VGLL3: variants seen among roughly 807,000 people sequenced by gnomAD.
VGLL3 encodes vestigial like family member 3.
Under a neutral mutation model 29.2 loss-of-function variants are expected in VGLL3, and 18 were observed. The observed-to-expected ratio is 0.62, with a 90% CI of 0.43 to 0.91. The LOEUF (loss-of-function observed/expected upper bound fraction) is 0.91. Among genes scored for constraint, VGLL3 ranks in the 40% least tolerant of loss-of-function variants. The pLI, the probability that VGLL3 is intolerant of heterozygous loss-of-function variation, is 0.00. For synonymous variants in VGLL3, 180 were observed against 151.8 expected (o/e 1.19, Z -1.36); for missense variants, 440 against 413.2 (o/e 1.06, Z -0.56).
intron 1 of VGLL3, among the ~76,000 whole-genome samples, chr3:86,983,317 G>A (rs955771551): frequency 1.3e-5 from 2 of 152,088 alleles, no homozygotes; most frequent in African/African-American, 4.8e-5. Flanking sequence ...CTATCCCAGG[G>A]TAAATATTTC....
intron 1 of VGLL3, chr3:86,990,320 C>G: frequency 1.0e-6 from 1 of 985,334 alleles, no homozygotes; most frequent in Non-Finnish European, 1.2e-6. Flanking sequence ...GATAGATGCC[C>G]TTGGTGAGCT....
chr3:86,980,924 T>G (rs1450373792), intron 1 of VGLL3, among the ~76,000 whole-genome samples: 1 of 152,126 alleles, frequency 6.6e-6, no homozygotes, highest in Non-Finnish European at 1.5e-5. Context: ...GAAACTAATT[T>G]CTTTTTTCTG....
rs962129357 is a variant in VGLL3 at position 86,969,038 on chromosome 3, C to T, written c.489G>A (p.Leu163=). ...SSYQPPPAPC[L]GGVHPDFQVT... ...CCTGGAAGTCAGGATGAACTCCCCCCAAACAAGGTGCAGGTGGGGGCTGGT... is the reference window on the plus strand; with the variant it reads ...CCTGGAAGTCAGGATGAACTCCCCCTAAACAAGGTGCAGGTGGGGGCTGGT... Residue 163 remains leucine, a synonymous_variant, in exon 3 of 4, where the codon TTG becomes TTA. Transcript: ENST00000398399. 4 of 1,613,904 alleles carry T rather than the reference C, an allele frequency of 2.5e-6. No homozygotes were observed. The highest frequency in any genetic ancestry group is 1.7e-5 in the Admixed American group (1 of 59,998).
chr3:86,978,697 G>C lies in VGLL3; in HGVS notation c.232C>G (p.Pro78Ala). 1 of 1,613,982 alleles carries C rather than the reference G, an allele frequency of 6.2e-7. No homozygotes were observed. Among genetic ancestry groups the C allele is most frequent in the African/African-American group, 1.3e-5 (1 of 74,978 alleles). Reference protein sequence around the residue: ...EEEEEEEKDQPAEMEYLNSRC... With the variant: ...EEEEEEEKDQAAEMEYLNSRC... Reference sequence around the variant, plus strand: ...GAGTTAAGGTACTCCATCTCGGCAGGCTGGTCTTTCTCCTCCTCCTCCTCC... The same window carrying C: ...GAGTTAAGGTACTCCATCTCGGCAGCCTGGTCTTTCTCCTCCTCCTCCTCC... The change falls in exon 2 of 4, where the codon CCT (proline) becomes GCT (alanine). Residue 78 changes from proline to alanine, a missense_variant. Pro to Ala is a conservative substitution (Grantham distance 27). Transcript: ENST00000398399.
In VGLL3 at chr3:86,964,137, G is replaced by A. The variant is rs562675876; in HGVS notation, c.937+4453C>T. Among the ~76,000 whole-genome samples the A allele has an allele frequency of 5.3e-5, 8 of 152,244 alleles. No individual in the cohort carries two copies. In the East Asian group the frequency reaches 5.8e-4, roughly 11 times the overall value. On this transcript the variant is annotated intron_variant, in intron 3 of 3. Coordinates refer to ENST00000398399, the MANE Select transcript of VGLL3 (RefSeq NM_016206.4). Reference sequence around the variant, plus strand: ...AAAGCAGAGTAGCATTTGATGACACGTGAGAAATATATAAAACTCAAATTT... The same window carrying A: ...AAAGCAGAGTAGCATTTGATGACACATGAGAAATATATAAAACTCAAATTT...
rs1354626371 is a variant in VGLL3 at position 86,940,572 on chromosome 3, A to G, written c.*6452T>C. 6.6e-6 allele frequency: 1 copy of G among 152,584 alleles called. No homozygotes were observed. Among genetic ancestry groups the G allele is most frequent in the Non-Finnish European group, 1.5e-5 (1 of 67,994 alleles). The allele number at this position is 152,584 out of a possible 1,614,324, so 9.5% of individuals were successfully genotyped here. On this transcript the variant is annotated 3_prime_UTR_variant, in exon 4 of 4. Coordinates refer to ENST00000398399, the MANE Select transcript of VGLL3 (RefSeq NM_016206.4). Reference sequence around the variant, plus strand: ...TTAATTGAATAAGGAGGAAACAAAAAGAGCTTTAAATTCTCAAGAAATGCA... The same window carrying G: ...TTAATTGAATAAGGAGGAAACAAAAGGAGCTTTAAATTCTCAAGAAATGCA...
At chr3:86,953,212 C>T (rs1030558149) in intron 3 of VGLL3, among the ~76,000 whole-genome samples, 4 of 152,126 alleles carry the variant, frequency 2.6e-5, no homozygotes, top group Non-Finnish European at 5.9e-5. Context: ...ATAATATCAC[C>T]TATCATCAGA....
At chr3:86,973,963 G>T (rs1386640200) in intron 2 of VGLL3, among the ~76,000 whole-genome samples, 5 of 152,150 alleles carry the variant, frequency 3.3e-5, no homozygotes, top group Non-Finnish European at 7.4e-5. Context: ...TTTCTGTAAA[G>T]ATCAGTGCAT....
intron 3 of VGLL3, chr3:86,962,185 C>A (rs1255173946): frequency 2.0e-6 from 2 of 985,188 alleles, no homozygotes; most frequent in African/African-American, 3.5e-5. Context: ...ACGTGGAGGG[C>A]AAATACAAAT....
Position 86,990,753 on chromosome 3 carries a change from G to A in VGLL3, c.-10C>T, listed in dbSNP as rs949288356. 1.5e-6 allele frequency: 2 copies of A among 1,331,476 alleles called. No individual in the cohort carries two copies. The highest frequency in any genetic ancestry group is 3.0e-5 in the African/African-American group (2 of 65,712). The allele number at this position is 1,331,476 out of a possible 1,614,324, so 82.5% of individuals were successfully genotyped here. A position where few individuals can be genotyped will look rare whatever the true frequency, so the allele number is the denominator to read the frequency against. On this transcript the variant is annotated 5_prime_UTR_variant, in exon 1 of 4. Coordinates refer to ENST00000398399, the MANE Select transcript of VGLL3 (RefSeq NM_016206.4). Reference sequence around the variant, plus strand: ...CCTCCGCACAACTCATGGCAGCCGGGGCAGTGGCGGCCCCCGAGCTGCCGC... The same window carrying A: ...CCTCCGCACAACTCATGGCAGCCGGAGCAGTGGCGGCCCCCGAGCTGCCGC...
At chr3:86,984,483 G>A (rs189951415) in intron 1 of VGLL3, among the ~76,000 whole-genome samples, 268 of 152,230 alleles carry the variant, frequency 1.8e-3, no homozygotes, top group Non-Finnish European at 3.2e-3. Flanking sequence ...TGTGCCACAG[G>A]CTTAGAGGCG....
At chr3:86,965,276 C>G (rs931764788) in intron 3 of VGLL3, among the ~76,000 whole-genome samples, 5 of 152,018 alleles carry the variant, frequency 3.3e-5, no homozygotes, top group Non-Finnish European at 5.9e-5. Context: ...TTTTAATGGT[C>G]CCGGTCACCT....
rs938342695 is a variant in VGLL3, at chr3:86,990,845, T to G, written c.-102A>C. The G allele has an allele frequency of 8.5e-7, 1 of 1,171,730 alleles. No individual in the cohort carries two copies. Among genetic ancestry groups the G allele is most frequent in the African/African-American group, 1.6e-5 (1 of 61,710 alleles). The allele number at this position is 1,171,730 out of a possible 1,614,324, so 72.6% of individuals were successfully genotyped here. On this transcript the variant is annotated 5_prime_UTR_variant, in exon 1 of 4. Transcript: ENST00000398399. Reference sequence around the variant, plus strand: ...CCGCCGCAGCTGCCGCCTCTGTCGCTGCTCCAGCTGCTACTGCGGCGAAGG... The same window carrying G: ...CCGCCGCAGCTGCCGCCTCTGTCGCGGCTCCAGCTGCTACTGCGGCGAAGG...
rs1287123337 is a variant in VGLL3 at position 86,943,201 on chromosome 3, C to T, written c.*3823G>A. 1 of 152,166 alleles carries T rather than the reference C, an allele frequency of 6.6e-6. No homozygotes were observed. The highest frequency in any genetic ancestry group is 2.4e-5 in the African/African-American group (1 of 41,430). The allele number at this position is 152,166 out of a possible 1,614,324, so 9.4% of individuals were successfully genotyped here. On this transcript the variant is annotated 3_prime_UTR_variant, in exon 4 of 4. Coordinates refer to ENST00000398399, the MANE Select transcript of VGLL3 (RefSeq NM_016206.4). Reference sequence around the variant, plus strand: ...AATTCATTCTGCTTTCTATTTATCCCTCATTCAAAACTCTAACATATATAC... The same window carrying T: ...AATTCATTCTGCTTTCTATTTATCCTTCATTCAAAACTCTAACATATATAC...
chr3:86,974,273 T>G (rs1365682125), intron 2 of VGLL3, among the ~76,000 whole-genome samples: 1 of 151,960 alleles, frequency 6.6e-6, no homozygotes, highest in Non-Finnish European at 1.5e-5. Context: ...GGCTGTCACC[T>G]TGCCTGGCTA....
chr3:86,962,362 T>G, intron 3 of VGLL3: 10 of 985,358 alleles, frequency 1.0e-5, no homozygotes, highest in Non-Finnish European at 1.2e-5. Flanking sequence ...GGCATACACT[T>G]GCACAGCCCT....
intron 3 of VGLL3, among the ~76,000 whole-genome samples, chr3:86,959,108 A>T (rs1575864375): frequency 6.6e-6 from 1 of 152,164 alleles, no homozygotes; most frequent in South Asian, 2.1e-4. Flanking sequence ...TGATGTTCTA[A>T]CTATCCTAGC....
rs536856548 is a variant in VGLL3 at position 86,968,482 on chromosome 3, G to A, written c.937+108C>T. The A allele has an allele frequency of 1.7e-5, 22 of 1,258,732 alleles. No individual in the cohort carries two copies. In the Admixed American group the frequency reaches 4.3e-4, roughly 25 times the overall value. The allele number at this position is 1,258,732 out of a possible 1,614,324, so 78.0% of individuals were successfully genotyped here. On this transcript the variant is annotated intron_variant, in intron 3 of 3. Coordinates refer to ENST00000398399, the MANE Select transcript of VGLL3 (RefSeq NM_016206.4). ...AATGGCTAGGTTCCATAAACATGTT[G>A]GTAAAGTTTAACTTTACAGATAAGA... is the stretch of plus-strand genomic sequence containing the variant.
At chr3:86,986,843 G>T (rs1200659301) in intron 1 of VGLL3, among the ~76,000 whole-genome samples, 2 of 152,098 alleles carry the variant, frequency 1.3e-5, no homozygotes, top group Non-Finnish European at 2.9e-5. Context: ...GATAGCATAA[G>T]TCATTAGCAT....
Sources: allele counts gnomAD v4.1 joint callset (sites outside exome capture counted in the v4.1 genomes callset), GRCh38; gene constraint gnomAD v4.1.1; transcripts MANE v1.5; gene names NCBI Gene and HGNC (gene_info 2026-07-23, HGNC 2026-07-21).